The following PPP3CA variants were observed in gnomAD, a reference collection of about 807,000 sequenced individuals.
PPP3CA encodes protein phosphatase 3 catalytic subunit alpha.
A neutral mutation model predicts 66.5 loss-of-function variants in PPP3CA; 14 were observed. The ratio of observed to expected loss-of-function variants is 0.21; its 90% CI spans 0.14 to 0.33. The LOEUF (loss-of-function observed/expected upper bound fraction) is 0.33, where lower values mean the gene tolerates loss of function less well. Ranked by LOEUF, PPP3CA falls within the 10% of genes least tolerant of loss-of-function variation. The pLI is 1.00. For missense variants in PPP3CA, 317 were observed against 639.5 expected (o/e 0.50, Z 5.44); for synonymous variants, 232 against 226.2 (o/e 1.03, Z -0.23).
At chr4:101,124,742 A>T (rs1722177008) in intron 2 of PPP3CA, among the ~76,000 whole-genome samples, 1 of 87,884 alleles carries the variant, frequency 1.1e-5, no homozygotes, top group Admixed American at 1.3e-4. Flanking sequence ...AAAGAAAGAA[A>T]GAAAGAAAGA....
chr4:101,168,819 T>C (rs1723776857), intron 2 of PPP3CA, among the ~76,000 whole-genome samples: 1 of 152,190 alleles, frequency 6.6e-6, no homozygotes, highest in African/African-American at 2.4e-5. Flanking sequence ...TCCACATGTC[T>C]AGCAAGTAAG....
At position 101,043,377 on chromosome 4, in the gene PPP3CA, C is replaced by G. The variant is rs76301559; in HGVS notation, c.1157-2811G>C. ...GTATAAGCTGATGATCAGAAAAATG[C>G]TCAAATACATACTAAATTTTAAATG... On this transcript the variant is annotated intron_variant, in intron 10 of 13. Transcript: ENST00000394854. 6.5e-3 allele frequency among the ~76,000 whole-genome samples: 990 copies of G among 152,054 alleles called. 7 individuals carry two copies. Among genetic ancestry groups the G allele is most frequent in the Middle Eastern group, 0.034 (10 of 292 alleles).
At chr4:101,253,107 A>C (rs991583929) in intron 1 of PPP3CA, among the ~76,000 whole-genome samples, 1 of 152,208 alleles carries the variant, frequency 6.6e-6, no homozygotes, top group Non-Finnish European at 1.5e-5. Flanking sequence ...AACATTTCAT[A>C]GACCAAATAA....
intron 1 of PPP3CA, among the ~76,000 whole-genome samples, chr4:101,319,196 A>G (rs1728967538): frequency 6.6e-6 from 1 of 151,372 alleles, no homozygotes; most frequent in Non-Finnish European, 1.5e-5. Context: ...GCCTGGCTTT[A>G]AAAAGGAAGA....
At chr4:101,073,642 T>C (rs1428488309) in intron 8 of PPP3CA, among the ~76,000 whole-genome samples, 2 of 152,194 alleles carry the variant, frequency 1.3e-5, no homozygotes, top group Non-Finnish European at 2.9e-5. Flanking sequence ...TAAATTATTG[T>C]ATTTCATAAC....
chr4:101,173,973 G>A (rs1314012597), intron 2 of PPP3CA, among the ~76,000 whole-genome samples: 1 of 151,926 alleles, frequency 6.6e-6, no homozygotes. Context: ...GATCACTTGA[G>A]CCCAGGCATT....
At chr4:101,057,050 G>C (rs1230614932) in intron 10 of PPP3CA, among the ~76,000 whole-genome samples, 1 of 150,898 alleles carries the variant, frequency 6.6e-6, no homozygotes, top group Admixed American at 6.6e-5. Context: ...AATATCTTAA[G>C]TAGAATATAC....
At chr4:101,163,410 A>C (rs1008345617) in intron 2 of PPP3CA, among the ~76,000 whole-genome samples, 1 of 152,198 alleles carries the variant, frequency 6.6e-6, no homozygotes, top group East Asian at 1.9e-4. Context: ...AATTCAGGAT[A>C]TGCATTGGCC....
At chr4:101,091,864 TG>T (rs1241924250) in intron 6 of PPP3CA, among the ~76,000 whole-genome samples, 5 of 139,236 alleles carry the variant, frequency 3.6e-5, no homozygotes, top group African/African-American at 1.4e-4. Context: ...ATAATAATAA[TG>T]AAGAAGAGGA....
At chr4:101,048,358 G>A (rs181270038) in intron 10 of PPP3CA, among the ~76,000 whole-genome samples, 2 of 152,048 alleles carry the variant, frequency 1.3e-5, no homozygotes, top group Admixed American at 6.6e-5. Context: ...GAAGACTGCT[G>A]TTCTATCAAG....
intron 2 of PPP3CA, among the ~76,000 whole-genome samples, chr4:101,116,621 C>T (rs1478260431): frequency 6.6e-6 from 1 of 151,780 alleles, no homozygotes; most frequent in Admixed American, 6.6e-5. Context: ...AGTTCATTAA[C>T]AGAATGCACA....
intron 2 of PPP3CA, chr4:101,171,351 A>C: frequency 8.0e-6 from 1 of 124,466 alleles, no homozygotes; most frequent in Non-Finnish European, 1.6e-5. Flanking sequence ...CAATTCTTTC[A>C]AAAAAAAAAA....
chr4:101,130,155 T>C (rs952127661), intron 2 of PPP3CA, among the ~76,000 whole-genome samples: 7 of 151,814 alleles, frequency 4.6e-5, no homozygotes, highest in Middle Eastern at 3.4e-3. Context: ...ATATCAGAGA[T>C]AGAAGATCAC....
Position 101,162,400 on chromosome 4 carries a change from G to A in PPP3CA, c.259+33516C>T, listed in dbSNP as rs991832815. 2.4e-4 allele frequency among the ~76,000 whole-genome samples: 37 copies of A among 151,790 alleles called. 1 individual carries two copies. Among genetic ancestry groups the A allele is most frequent in the Admixed American group, 2.2e-3 (33 of 15,232 alleles). ...ACAAAAATTAGCTGGGTGTGGTGGCGGGTGCTGGTAATCCCAGCTATTCAG... is the reference window on the plus strand; with the variant it reads ...ACAAAAATTAGCTGGGTGTGGTGGCAGGTGCTGGTAATCCCAGCTATTCAG... On this transcript the variant is annotated intron_variant, in intron 2 of 13. Coordinates refer to ENST00000394854, the MANE Select transcript of PPP3CA (RefSeq NM_000944.5).
At chr4:101,120,736 A>G (rs930357746) in intron 2 of PPP3CA, among the ~76,000 whole-genome samples, 15 of 152,096 alleles carry the variant, frequency 9.9e-5, no homozygotes, top group Admixed American at 2.6e-4. Context: ...CTAATGTTCA[A>G]TTGAAGACAC....
intron 1 of PPP3CA, among the ~76,000 whole-genome samples, chr4:101,324,150 G>GAAGGA (rs1305406744): frequency 0.042 from 4,053 of 97,476 alleles, 412 homozygotes; most frequent in African/African-American, 0.18. Context: ...GGAAGGAAGG[G>GAAGGA]AGGGAGGAAG....
At chr4:101,326,388 C>T (rs947138900) in intron 1 of PPP3CA, among the ~76,000 whole-genome samples, 1 of 152,270 alleles carries the variant, frequency 6.6e-6, no homozygotes, top group South Asian at 2.1e-4. Flanking sequence ...CACAGGATTA[C>T]CTTAGGGATT....
intron 1 of PPP3CA, among the ~76,000 whole-genome samples, chr4:101,243,796 G>A (rs894262429): frequency 6.6e-6 from 1 of 152,148 alleles, no homozygotes; most frequent in Non-Finnish European, 1.5e-5. Flanking sequence ...TCAAATCCCA[G>A]TTCTTCTCTA....
At chr4:101,095,390 T>C (rs1281152759) in intron 5 of PPP3CA, among the ~76,000 whole-genome samples, 3 of 152,150 alleles carry the variant, frequency 2.0e-5, no homozygotes, top group East Asian at 1.9e-4. Flanking sequence ...TTCTAAAAGT[T>C]AATATAATTG....
Sources: allele counts gnomAD v4.1 joint callset (sites outside exome capture counted in the v4.1 genomes callset), GRCh38; gene constraint gnomAD v4.1.1; transcripts MANE v1.5; gene names NCBI Gene and HGNC (gene_info 2026-07-23, HGNC 2026-07-21).